SFMBT2: variants seen among roughly 807,000 people sequenced by gnomAD.
The protein encoded by SFMBT2 is Scm like with four mbt domains 2, also known as scm-like with four MBT domains protein 2.
SFMBT2 carries 38 observed loss-of-function variants against 110.1 expected under a neutral mutation model. That is an observed-to-expected ratio of 0.35 (90% CI 0.27 to 0.45). The LOEUF (loss-of-function observed/expected upper bound fraction) is 0.45, where lower values mean the gene tolerates loss of function less well. Among genes scored for constraint, SFMBT2 ranks in the 20% least tolerant of loss-of-function variants. The pLI is 1.00. For synonymous variants in SFMBT2, 425 were observed against 425.4 expected, an observed-to-expected ratio of 1.00 and a Z score of 0.01; for missense variants, 1,011 against 1,094.9, an observed-to-expected ratio of 0.92 and a Z score of 1.08.
intron 4 of SFMBT2, among the ~76,000 whole-genome samples, chr10:7,336,427 C>T (rs1843718449): frequency 6.6e-6 from 1 of 152,166 alleles, no homozygotes; most frequent in Non-Finnish European, 1.5e-5. Flanking sequence ...TTTTATTTAT[C>T]TTGCATCATA....
intron 12 of SFMBT2, chr10:7,205,060 CT>C: frequency 2.7e-6 from 1 of 373,586 alleles, no homozygotes; most frequent in Non-Finnish European, 3.7e-6. Context: ...TTAGTTAGTG[CT>C]AAGAGTAGGC....
At chr10:7,190,619 G>A (rs1025385332) in intron 15 of SFMBT2, among the ~76,000 whole-genome samples, 2 of 152,360 alleles carry the variant, frequency 1.3e-5, no homozygotes, top group East Asian at 3.9e-4. Flanking sequence ...ACAATGTCAT[G>A]TATTATAGTT....
chr10:7,284,613 C>G (rs950312988), intron 5 of SFMBT2: 4 of 272,202 alleles, frequency 1.5e-5, no homozygotes, highest in African/African-American at 9.1e-5. Context: ...ACTCTACTGG[C>G]CGCTACTCTA....
intron 17 of SFMBT2, among the ~76,000 whole-genome samples, chr10:7,173,115 T>A (rs1339987365): frequency 6.6e-6 from 1 of 152,198 alleles, no homozygotes; most frequent in African/African-American, 2.4e-5. Context: ...ATCTTGGACT[T>A]CCAGCTTCCA....
intron 4 of SFMBT2, chr10:7,287,366 A>G (rs1347245925): frequency 2.1e-5 from 5 of 243,438 alleles, no homozygotes; most frequent in Non-Finnish European, 3.3e-5. Context: ...GGCGTGAGCC[A>G]CCGCACCCGG....
intron 7 of SFMBT2, among the ~76,000 whole-genome samples, chr10:7,263,705 G>C (rs368924253): frequency 6.6e-6 from 1 of 152,200 alleles, no homozygotes; most frequent in African/African-American, 2.4e-5. Flanking sequence ...TGTCCCACCT[G>C]AAGGCCAAAC....
intron 3 of SFMBT2, 52 bp downstream of exon 3, chr10:7,370,229 C>G: frequency 2.0e-6 from 3 of 1,504,328 alleles, no homozygotes; most frequent in South Asian, 2.3e-5. Context: ...CCTATAGATT[C>G]CTTCCCTTCC....
In SFMBT2 at chr10:7,213,865, C is replaced by T. The variant is rs571230947; in HGVS notation, c.1330+6546G>A. 8.5e-5 allele frequency among the ~76,000 whole-genome samples: 13 copies of T among 152,302 alleles called. No homozygotes were observed. In the South Asian group the frequency reaches 2.7e-3, roughly 32 times the overall value. ...AGATCCGTGTGCACAGCGTGACCGT[C>T]CAAAGCCACAGAGAAAGACGAGGCC... On this transcript the variant is annotated intron_variant, in intron 11 of 20. Coordinates refer to ENST00000397167, the MANE Select transcript of SFMBT2 (RefSeq NM_001387889.1).
In SFMBT2 at chr10:7,182,981, C is replaced by T. The variant is rs543541634; in HGVS notation, c.1808+5643G>A. Among the ~76,000 whole-genome samples, 33 of 152,052 alleles carry T rather than the reference C, an allele frequency of 2.2e-4. No homozygotes were observed. The South Asian group carries it at 6.4e-3, about 30-fold the overall frequency. On this transcript the variant is annotated intron_variant, in intron 16 of 20. Coordinates refer to ENST00000397167, the MANE Select transcript of SFMBT2 (RefSeq NM_001387889.1). ...CGCCGATGTTATTTAATACACGGCC[C>T]GGCAAGGCTCTCATAAACACTAAGT... is the stretch of plus-strand genomic sequence containing the variant.
chr10:7,335,582 A>AACACACAC (rs3065781), intron 4 of SFMBT2, among the ~76,000 whole-genome samples: 8,411 of 142,832 alleles, frequency 0.059, 374 homozygotes, highest in African/African-American at 0.13. Flanking sequence ...CAGAAACAGA[A>AACACACAC]ACACACACAC....
At chr10:7,399,558 C>A (rs780308213) in intron 1 of SFMBT2, among the ~76,000 whole-genome samples, 1 of 152,194 alleles carries the variant, frequency 6.6e-6, no homozygotes, top group Non-Finnish European at 1.5e-5. Context: ...TAAATTATAT[C>A]ATTTAAGTGC....
chr10:7,342,448 G>C (rs910462468), intron 4 of SFMBT2, among the ~76,000 whole-genome samples: 6 of 118,344 alleles, frequency 5.1e-5, no homozygotes, highest in Admixed American at 3.5e-4. Context: ...TCGCTCTGTC[G>C]CCCAGGCTGG....
At chr10:7,232,639 G>C (rs73615427) in intron 9 of SFMBT2, among the ~76,000 whole-genome samples, 1,730 of 152,256 alleles carry the variant, frequency 0.011, 38 homozygotes, top group African/African-American at 0.04. Context: ...ATGAAGACCA[G>C]AGAAAATGTA....
At chr10:7,282,837 C>T (rs1841984716) in intron 6 of SFMBT2, among the ~76,000 whole-genome samples, 2 of 151,726 alleles carry the variant, frequency 1.3e-5, no homozygotes, top group African/African-American at 4.9e-5. Flanking sequence ...GAGCCATGTC[C>T]TTATTCCAAA....
chr10:7,197,338 T>C (rs868610065), intron 15 of SFMBT2, among the ~76,000 whole-genome samples: 2 of 152,002 alleles, frequency 1.3e-5, no homozygotes, highest in South Asian at 4.1e-4. Flanking sequence ...TGTGTGTCCC[T>C]CCCTCTAGAT....
At chr10:7,245,076 C>T (rs943168028) in intron 8 of SFMBT2, among the ~76,000 whole-genome samples, 3 of 152,144 alleles carry the variant, frequency 2.0e-5, no homozygotes, top group African/African-American at 7.2e-5. Context: ...AAGCCAAGTG[C>T]CTACCAACAG....
chr10:7,236,044 A>C (rs1266219825), intron 9 of SFMBT2, among the ~76,000 whole-genome samples: 5 of 152,156 alleles, frequency 3.3e-5, no homozygotes, highest in African/African-American at 1.2e-4. Flanking sequence ...TTTTTGAGAC[A>C]GTTTAGAAAG....
intron 11 of SFMBT2, among the ~76,000 whole-genome samples, chr10:7,211,928 C>G (rs1216668654): frequency 6.6e-6 from 1 of 152,100 alleles, no homozygotes; most frequent in Non-Finnish European, 1.5e-5. Context: ...ACCATTGTTC[C>G]ACAGCTGGTC....
At chr10:7,353,145 C>T (rs1844380397) in intron 4 of SFMBT2, among the ~76,000 whole-genome samples, 1 of 152,130 alleles carries the variant, frequency 6.6e-6, no homozygotes, top group South Asian at 2.1e-4. Context: ...TACCAGTGTG[C>T]TTCAATATAA....
Sources: gnomAD v4.1 joint callset for allele counts (sites outside exome capture counted in the v4.1 genomes callset) on GRCh38, gnomAD v4.1.1 for gene constraint, MANE v1.5 for transcripts, NCBI Gene and HGNC (gene_info 2026-07-23, HGNC 2026-07-21) for gene names.